Variants in CTSO observed in about 807,000 individuals in gnomAD.
The protein encoded by CTSO is cathepsin O.
CTSO carries 40 observed loss-of-function variants against 42.4 expected under a neutral mutation model. That is an observed-to-expected ratio of 0.94 (90% CI 0.73 to 1.23). CTSO has a LOEUF of 1.23. Among genes scored for constraint, CTSO ranks in the 50% most tolerant of loss-of-function variants. CTSO has a pLI of 0.00. For missense variants in CTSO, 441 were observed against 396.0 expected (o/e 1.11, Z -0.96); for synonymous variants, 156 against 146.2 (o/e 1.07, Z -0.48).
chr4:155,943,247 A>G lies in CTSO; in HGVS notation c.153T>C (p.His51=). 6.2e-7 allele frequency: 1 copy of G among 1,606,746 alleles called. No individual in the cohort carries two copies. The highest frequency in any genetic ancestry group is 1.3e-5 in the African/African-American group (1 of 74,882). The change falls in exon 2 of 8, where the codon CAT becomes CAC. Residue 51 remains histidine (H), a synonymous_variant. Coordinates refer to ENST00000433477, the MANE Select transcript of CTSO (RefSeq NM_001334.3). ...TGGGAAATAAAGAATTCAAGTATCGATGTCTATTAAGACTTTCCTAGAAGA... is the reference window on the plus strand; with the variant it reads ...TGGGAAATAAAGAATTCAAGTATCGGTGTCTATTAAGACTTTCCTAGAAGA... The part of the protein sequence containing the change: ...AAAFRESLNR[H]RYLNSLFPSE...
rs1743102353 is a variant in CTSO, at chr4:155,924,852, T to G, written c.*1184A>C. 6.6e-6 allele frequency: 1 copy of G among 152,138 alleles called. No homozygotes were observed. Among genetic ancestry groups the G allele is most frequent in the African/African-American group, 2.4e-5 (1 of 41,384 alleles). 9.4% of individuals were successfully genotyped at this position (152,138 alleles called of 1,614,324 possible). On this transcript the variant is annotated 3_prime_UTR_variant, in exon 8 of 8. Transcript: ENST00000433477. ...TCAGAATTGCACCTGAAATCACTTG[T>G]GCAATTAGTGATGCAAGAGTGATCA...
intron 1 of CTSO, among the ~76,000 whole-genome samples, chr4:155,944,802 A>G (rs1197772092): frequency 6.6e-6 from 1 of 152,118 alleles, no homozygotes; most frequent in Non-Finnish European, 1.5e-5. Flanking sequence ...GGCCTTGCCA[A>G]ACCAAAGTTT....
chr4:155,940,970 T>C (rs1055867656), intron 3 of CTSO, among the ~76,000 whole-genome samples: 5 of 151,768 alleles, frequency 3.3e-5, no homozygotes, highest in African/African-American at 9.7e-5. Flanking sequence ...TAATTAAAGA[T>C]CTCTAATTAA....
chr4:155,946,259 C>G (rs1047425301), intron 1 of CTSO, among the ~76,000 whole-genome samples: 1 of 152,114 alleles, frequency 6.6e-6, no homozygotes, highest in Admixed American at 6.5e-5. Context: ...GCAGGGAGTT[C>G]CCATGTACTT....
chr4:155,950,292 C>T (rs919320676), intron 1 of CTSO, among the ~76,000 whole-genome samples: 1 of 152,046 alleles, frequency 6.6e-6, no homozygotes, highest in Admixed American at 6.6e-5. Context: ...TTAAACATAA[C>T]GATATTCATT....
chr4:155,937,240 TA>T, intron 5 of CTSO, 121 bp downstream of exon 5: 1 of 639,414 alleles, frequency 1.6e-6, no homozygotes, highest in East Asian at 3.0e-5. Context: ...CTCTTTCTAG[TA>T]AAAAGTATGT....
chr4:155,946,733 A>T (rs1743554276), intron 1 of CTSO, among the ~76,000 whole-genome samples: 1 of 152,078 alleles, frequency 6.6e-6, no homozygotes, highest in Non-Finnish European at 1.5e-5. Flanking sequence ...AAATACTCTA[A>T]ACCACTAAGT....
At chr4:155,938,481 CTG>C (rs1743370228) in intron 4 of CTSO, among the ~76,000 whole-genome samples, 1 of 152,156 alleles carries the variant, frequency 6.6e-6, no homozygotes, top group Non-Finnish European at 1.5e-5. Flanking sequence ...ATCTGGGACA[CTG>C]TCAGGGCAAG....
At chr4:155,941,660 AACCT>A (rs1431825412) in intron 3 of CTSO, among the ~76,000 whole-genome samples, 1 of 152,208 alleles carries the variant, frequency 6.6e-6, no homozygotes, top group Non-Finnish European at 1.5e-5. Context: ...AGTGTAACCT[AACCT>A]CATTTCTCCC....
At chr4:155,946,259 C>T (rs1047425301) in intron 1 of CTSO, among the ~76,000 whole-genome samples, 4 of 152,114 alleles carry the variant, frequency 2.6e-5, no homozygotes, top group African/African-American at 9.7e-5. Context: ...GCAGGGAGTT[C>T]CCATGTACTT....
intron 1 of CTSO, among the ~76,000 whole-genome samples, chr4:155,951,172 T>A (rs1743667327): frequency 6.6e-6 from 1 of 152,168 alleles, no homozygotes; most frequent in Admixed American, 6.5e-5. Context: ...TTTGGAAATT[T>A]TATGTAAAAT....
At chr4:155,953,606 G>T in intron 1 of CTSO, 107 bp downstream of exon 1, 1 of 1,206,556 alleles carries the variant, frequency 8.3e-7, no homozygotes, top group Non-Finnish European at 1.0e-6. Flanking sequence ...CAGAGCCACG[G>T]GTGCCCACGA....
chr4:155,953,754 T>C lies in CTSO; in HGVS notation c.94A>G (p.Thr32Ala). 7.7e-7 allele frequency: 1 copy of C among 1,299,776 alleles called. No individual in the cohort carries two copies. The allele number at this position is 1,299,776 out of a possible 1,614,324, so 80.5% of individuals were successfully genotyped here. A position where few individuals can be genotyped will look rare whatever the true frequency, so the allele number is the denominator to read the frequency against. Residue 32 changes from threonine to alanine, a missense_variant, in exon 1 of 8, where the codon ACC (threonine) becomes GCC (alanine). Coordinates refer to ENST00000433477, the MANE Select transcript of CTSO (RefSeq NM_001334.3). ...TCACGCTCGCGGCTCCGCGGCCAGG[T>C]CGGGGTGAAGGGGGCGCGGGAGTCC... Reference protein sequence around the residue: ...DADSRAPFTPTWPRSREREAA... With the variant: ...DADSRAPFTPAWPRSREREAA...
At chr4:155,928,199 C>T in intron 7 of CTSO, 137 bp downstream of exon 7, 1 of 408,130 alleles carries the variant, frequency 2.5e-6, no homozygotes, top group Non-Finnish European at 4.1e-6. Flanking sequence ...TCTTGCAAAA[C>T]ACTTTTTTTT....
In CTSO at chr4:155,929,449, C is replaced by A. The variant is rs1743191334; in HGVS notation, c.838+93G>T. On this transcript the variant is annotated intron_variant, in intron 6 of 7. Coordinates refer to ENST00000433477, the MANE Select transcript of CTSO (RefSeq NM_001334.3). ...AGGTCTTATGAGGACTTAATCATAG[C>A]AGAACCAAATTTCAATGTTCTACAG... 3.0e-6 allele frequency: 4 copies of A among 1,328,958 alleles called. No homozygotes were observed. The South Asian group carries it at 4.4e-5, about 15-fold the overall frequency. The allele number at this position is 1,328,958 out of a possible 1,614,324, so 82.3% of individuals were successfully genotyped here.
chr4:155,942,025 T>A (rs939986391), intron 3 of CTSO, among the ~76,000 whole-genome samples: 1 of 152,168 alleles, frequency 6.6e-6, no homozygotes, highest in Non-Finnish European at 1.5e-5. Flanking sequence ...CTGGGAAGTA[T>A]CCCTGAGCTG....
intron 5 of CTSO, among the ~76,000 whole-genome samples, chr4:155,929,920 T>G (rs1407273025): frequency 6.6e-6 from 1 of 152,174 alleles, no homozygotes; most frequent in African/African-American, 2.4e-5. Context: ...TGTCCTGCTA[T>G]TCAAAGGTTT....
chr4:155,952,470 A>G (rs1178852325), intron 1 of CTSO, among the ~76,000 whole-genome samples: 2 of 152,258 alleles, frequency 1.3e-5, no homozygotes, highest in African/African-American at 4.8e-5. Context: ...TACGTTACCA[A>G]TAAAGGTGAA....
chr4:155,941,757 T>G (rs770141777), intron 3 of CTSO, among the ~76,000 whole-genome samples: 1 of 152,204 alleles, frequency 6.6e-6, no homozygotes, highest in Non-Finnish European at 1.5e-5. Context: ...CTGAACTGAC[T>G]ACTAACTATA....
Sources: allele counts gnomAD v4.1 joint callset (sites outside exome capture counted in the v4.1 genomes callset), GRCh38; gene constraint gnomAD v4.1.1; transcripts MANE v1.5; gene names NCBI Gene and HGNC (gene_info 2026-07-23, HGNC 2026-07-21).